The following UNC79 variants were observed in gnomAD, a reference collection of about 807,000 sequenced individuals.
UNC79 encodes protein unc-79 homolog.
UNC79 carries 37 observed loss-of-function variants against 283.1 expected under a neutral mutation model. The ratio of observed to expected loss-of-function variants is 0.13; its 90% CI spans 0.10 to 0.17. The LOEUF is 0.17. UNC79 is among the 10% of genes least tolerant of loss of function. UNC79 has a pLI of 1.00. For missense variants in UNC79, 2,272 were observed against 3,211.1 expected, an observed-to-expected ratio of 0.71 and a Z score of 7.07; for synonymous variants, 1,107 against 1,200.2, an observed-to-expected ratio of 0.92 and a Z score of 1.61.
At chr14:93,670,163 G>T (rs2072683920) in intron 40 of UNC79, among the ~76,000 whole-genome samples, 1 of 152,160 alleles carries the variant, frequency 6.6e-6, no homozygotes, top group Non-Finnish European at 1.5e-5. Flanking sequence ...CAGTTATCAA[G>T]ACCAAAGACT....
chr14:93,416,477 C>A (rs2055460340), intron 1 of UNC79, among the ~76,000 whole-genome samples: 1 of 151,958 alleles, frequency 6.6e-6, no homozygotes, highest in Non-Finnish European at 1.5e-5. Flanking sequence ...TGGTGTGGTG[C>A]TGAAAAAAAT....
intron 1 of UNC79, among the ~76,000 whole-genome samples, chr14:93,453,445 TAGTAATG>T (rs1234867907): frequency 6.6e-6 from 1 of 152,220 alleles, no homozygotes; most frequent in Admixed American, 6.5e-5. Flanking sequence ...CAGTGAAATT[TAGTAATG>T]AGAGATTAAA....
chr14:93,397,596 T>C (rs1249647613), intron 1 of UNC79, among the ~76,000 whole-genome samples: 5 of 152,088 alleles, frequency 3.3e-5, no homozygotes, highest in Admixed American at 1.3e-4. Flanking sequence ...CCTGTAATCC[T>C]AGCTACTTGG....
chr14:93,510,907 C>T (rs2208902), intron 7 of UNC79, among the ~76,000 whole-genome samples: 11,420 of 152,164 alleles, frequency 0.075, 471 homozygotes, highest in African/African-American at 0.1. Flanking sequence ...TATGAATTTC[C>T]TGTATTAGTT....
chr14:93,358,077 G>A (rs2054150333), intron 1 of UNC79, among the ~76,000 whole-genome samples: 1 of 151,282 alleles, frequency 6.6e-6, no homozygotes, highest in Admixed American at 6.6e-5. Flanking sequence ...TATTAAGGAT[G>A]GAGTTCTTTC....
At chr14:93,554,103 C>T (rs570411451) in intron 14 of UNC79, among the ~76,000 whole-genome samples, 1 of 152,280 alleles carries the variant, frequency 6.6e-6, no homozygotes, top group Admixed American at 6.5e-5. Context: ...GTAATCCCAG[C>T]ACTTTGGGAG....
intron 1 of UNC79, among the ~76,000 whole-genome samples, chr14:93,461,369 T>G (rs2056956911): frequency 6.6e-6 from 1 of 152,254 alleles, no homozygotes; most frequent in Non-Finnish European, 1.5e-5. Flanking sequence ...TGTTTTTTAG[T>G]CTATGACTGA....
chr14:93,521,646 T>G (rs1027418581), intron 7 of UNC79, among the ~76,000 whole-genome samples: 1 of 151,652 alleles, frequency 6.6e-6, no homozygotes, highest in African/African-American at 2.4e-5. Context: ...CTGAAAATAG[T>G]GTTTCAAATA....
At chr14:93,616,528 C>T (rs952844733) in intron 27 of UNC79, among the ~76,000 whole-genome samples, 5 of 151,936 alleles carry the variant, frequency 3.3e-5, no homozygotes, top group African/African-American at 7.3e-5. Context: ...GCCACCACAC[C>T]GAATTAACTT....
chr14:93,413,439 G>A, intron 1 of UNC79, among the ~76,000 whole-genome samples: 1 of 150,514 alleles, frequency 6.6e-6, no homozygotes, highest in South Asian at 2.1e-4. Context: ...TTGGCCATTT[G>A]GGTTGGTTCC....
chr14:93,534,146 T>C (rs2060955726), intron 11 of UNC79, among the ~76,000 whole-genome samples: 3 of 152,226 alleles, frequency 2.0e-5, no homozygotes, highest in Admixed American at 1.3e-4. Flanking sequence ...GCTCCAGCCA[T>C]AAACACATCA....
chr14:93,404,493 A>AAAAAAAATATAT lies in UNC79; in HGVS notation c.-350-63177_-350-63176insAAAAAATATATA. Reference sequence around the variant, plus strand: ...TGACAGAGTGAGACCTTCTAAAAAAAATATATATATATATATATATAAATA... The same window carrying AAAAAAAATATAT: ...TGACAGAGTGAGACCTTCTAAAAAAAAAAAAAATATATATATATATATATATATATATAAATA... On this transcript the variant is annotated intron_variant, in intron 1 of 49. Transcript: ENST00000256339. Among the ~76,000 whole-genome samples the AAAAAAAATATAT allele has an allele frequency of 3.4e-3, 208 of 61,490 alleles. 8 individuals carry two copies. The highest frequency in any genetic ancestry group is 5.7e-3 in the Non-Finnish European group (179 of 31,160). 40.3% of individuals were successfully genotyped at this position (61,490 alleles called of 152,430 possible).
rs1199879580 is a variant in UNC79 at position 93,374,447 on chromosome 14, C to A, written c.-351+40924C>A. ...TGCTGGGTTTCCGACTTGCTTGGGG[C>A]CTGATACTCTTTTCTTTGCCTACTT... On this transcript the variant is annotated intron_variant, in intron 1 of 49. Coordinates refer to the UNC79 transcript ENST00000256339. Among the ~76,000 whole-genome samples, 3 of 152,298 alleles carry A rather than the reference C, an allele frequency of 2.0e-5. No homozygotes were observed. The South Asian group carries it at 6.2e-4, about 32-fold the overall frequency.
In UNC79 at chr14:93,500,929, G is replaced by T. The variant is rs372473284; in HGVS notation, c.898+3643G>T. 1.2e-4 allele frequency among the ~76,000 whole-genome samples: 18 copies of T among 152,328 alleles called. 1 individual carries two copies. In the East Asian group the frequency reaches 1.3e-3, roughly 11 times the overall value. ...ACCCCAAATATTCTTAATGAAAATT[G>T]TATGGATTTTATTAACTTAGAAGCT... On this transcript the variant is annotated intron_variant, in intron 7 of 48. Transcript: ENST00000555664.
At chr14:93,357,808 G>GAT (rs1193245891) in intron 1 of UNC79, among the ~76,000 whole-genome samples, 3 of 86,436 alleles carry the variant, frequency 3.5e-5, no homozygotes, top group Admixed American at 1.6e-4. Context: ...TGGATATATG[G>GAT]ATATATATAT....
chr14:93,634,583 C>T lies in UNC79; in HGVS notation c.5717-2633C>T, dbSNP rs191223978. The T allele has an allele frequency of 2.7e-5, 43 of 1,614,062 alleles. 1 individual carries two copies. The highest frequency in any genetic ancestry group is 2.5e-4 in the South Asian group (23 of 91,074). ...TCTGACAATGAGCCAGTTAATGAAG[C>T]GGCAGCTGGAGCATCAGTCTAGCGC... On this transcript the variant is annotated intron_variant, in intron 31 of 48. Coordinates refer to ENST00000555664, the Ensembl canonical transcript of UNC79.
intron 41 of UNC79, among the ~76,000 whole-genome samples, chr14:93,681,386 T>C (rs1229101767): frequency 6.6e-6 from 1 of 152,188 alleles, no homozygotes; most frequent in Non-Finnish European, 1.5e-5. Flanking sequence ...GGCTTAGAGG[T>C]GTACCCAGTT....
chr14:93,513,204 T>G, intron 7 of UNC79, among the ~76,000 whole-genome samples: 1 of 109,526 alleles, frequency 9.1e-6, no homozygotes, highest in Non-Finnish European at 2.0e-5. Flanking sequence ...CCTTCCTTCT[T>G]TCCTTCCTTC....
At chr14:93,575,248 C>A (rs1566683842) in intron 17 of UNC79, 50 bp downstream of exon 17, 1 of 1,610,946 alleles carries the variant, frequency 6.2e-7, no homozygotes, top group East Asian at 2.2e-5. Flanking sequence ...ATCTTGAAAA[C>A]CCTTGTCAGT....
Sources: allele counts gnomAD v4.1 joint callset (sites outside exome capture counted in the v4.1 genomes callset), GRCh38; gene constraint gnomAD v4.1.1; transcripts MANE v1.5; gene names NCBI Gene and HGNC (gene_info 2026-07-23, HGNC 2026-07-21).